Variants in ARX observed in about 807,000 individuals in gnomAD.
The protein encoded by ARX is aristaless related homeobox, also known as homeobox protein ARX.
A neutral mutation model predicts 23.1 loss-of-function variants in ARX; 1 was observed. That is an observed-to-expected ratio of 0.04 (90% CI 0.02 to 0.21). ARX has a LOEUF of 0.21. Ranked by LOEUF, ARX falls within the 10% of genes least tolerant of loss-of-function variation. The pLI, the probability that ARX is intolerant of heterozygous loss-of-function variation, is 1.00. For synonymous variants in ARX, 301 were observed against 270.1 expected, an observed-to-expected ratio of 1.11 and a Z score of -1.12; for missense variants, 380 against 527.5, an observed-to-expected ratio of 0.72 and a Z score of 2.74.
Position 25,007,198 on chromosome X carries a change from G to A in ARX, c.1361C>T (p.Pro454Leu), listed in dbSNP as rs2147320384. 8.5e-7 allele frequency: 1 copy of A among 1,178,086 alleles called. No individual in the cohort carries two copies. The highest frequency in any genetic ancestry group is 1.1e-6 in the Non-Finnish European group (1 of 880,120). The stretch of plus-strand genomic sequence containing the variant: ...CAGGCCCAGCGGCGCCCCGCTGGGC[G>A]GCAGGCTGGCCGAGCCCGGAGGCGG... ...LPPPPGSASL[P>L]PSGAPLGLST... Residue 454 changes from proline (P) to leucine (L), a missense_variant, in exon 4 of 5, where the codon CCG becomes CTG. Coordinates refer to ENST00000379044, the MANE Select transcript of ARX (RefSeq NM_139058.3).
At chrX:25,015,406 G>A in intron 1 of ARX, 136 bp downstream of exon 1, 1 of 820,461 alleles carries the variant, frequency 1.2e-6, no homozygotes, top group Non-Finnish European at 1.8e-6. Flanking sequence ...CGCTCTTTGA[G>A]GCAGCAGGCC....
At chrX:25,014,538 G>A (rs1209777992) in intron 1 of ARX, among the ~76,000 whole-genome samples, 2 of 112,787 alleles carry the variant, frequency 1.8e-5, no homozygotes, top group Non-Finnish European at 3.7e-5. Context: ...GGGGCTTCTT[G>A]CACAAAAAGG....
In ARX at chrX:25,015,706, G is replaced by A; in HGVS notation, c.32C>T (p.Ser11Phe). 8.3e-7 allele frequency: 1 copy of A among 1,203,103 alleles called. No individual in the cohort carries two copies. The highest frequency in any genetic ancestry group is 1.1e-6 in the Non-Finnish European group (1 of 890,170). The part of the protein sequence containing the change: MSNQYQEEGC[S>F]ERPECKSKSP... ...TTTACTTTTGCACTCGGGCCTCTCG[G>A]AGCAGCCCTCCTCCTGGTACTGATT... Residue 11 changes from serine (S) to phenylalanine (F), a missense_variant, in exon 1 of 5, where the codon TCC becomes TTC. By Grantham distance (155) the Ser-to-Phe change is radical. Around this residue, in one of 3 missense-constraint regions of ARX, gnomAD observed 235 missense variants for 270.2 expected, o/e 0.87. Transcript: ENST00000379044.
chrX:25,013,840 G>C, intron 1 of ARX, 42 bp from the exon 2 acceptor site: 1 of 902,453 alleles, frequency 1.1e-6, no homozygotes. Context: ...GCCGGCCGGG[G>C]AGTCCCAGCC....
chrX:25,010,189 C>G lies in ARX; in HGVS notation c.1119+71G>C, dbSNP rs2048696198. On this transcript the variant is annotated intron_variant, in intron 3 of 4. Coordinates refer to ENST00000379044, the MANE Select transcript of ARX (RefSeq NM_139058.3). ...CTCACCCCCCGCACCCCCCCGCCAC[C>G]AACCCATCTCTCTCTCTCCCACTGG... The G allele has an allele frequency of 1.3e-5, 14 of 1,071,330 alleles. No homozygotes were observed. In the Admixed American group the frequency reaches 3.3e-4, roughly 25 times the overall value. 88.3% of individuals were successfully genotyped at this position (1,071,330 alleles called of 1,213,427 possible). A position where few individuals can be genotyped will look rare whatever the true frequency, so the allele number is the denominator to read the frequency against.
At chrX:25,006,665 C>T (rs1324303555) in intron 4 of ARX, 1 of 112,923 alleles carries the variant, frequency 8.9e-6, no homozygotes, top group East Asian at 2.8e-4. Context: ...CCCAGAGGGC[C>T]TGGTGGCTCC....
At position 25,013,032 on chromosome X, in the gene ARX, C is replaced by T; in HGVS notation, c.963G>A (p.Glu321=). ...VCLSAGSDSE[E]GLLKRKQRRY... ...GCCTCTGTTTGCGTTTCAGCAGCCCCTCCTCCGAGTCGCTGCCCGCAGAGA... is the reference window on the plus strand; with the variant it reads ...GCCTCTGTTTGCGTTTCAGCAGCCCTTCCTCCGAGTCGCTGCCCGCAGAGA... The change falls in exon 2 of 5, where the codon GAG becomes GAA. Residue 321 remains glutamate (E), a synonymous_variant. Coordinates refer to ENST00000379044, the MANE Select transcript of ARX (RefSeq NM_139058.3). 8.3e-7 allele frequency: 1 copy of T among 1,199,998 alleles called. No homozygotes were observed. The highest frequency in any genetic ancestry group is 3.0e-5 in the East Asian group (1 of 33,393).
At chrX:25,011,806 C>A (rs917456804) in intron 2 of ARX, among the ~76,000 whole-genome samples, 1 of 112,984 alleles carries the variant, frequency 8.9e-6, no homozygotes, top group Non-Finnish European at 1.9e-5. Context: ...GGCAGCATTC[C>A]CCTTCTAAAA....
At chrX:25,014,539 C>T (rs922368400) in intron 1 of ARX, among the ~76,000 whole-genome samples, 4 of 112,617 alleles carry the variant, frequency 3.6e-5, no homozygotes, top group Admixed American at 1.9e-4. Flanking sequence ...GGGCTTCTTG[C>T]ACAAAAAGGC....
intron 1 of ARX, among the ~76,000 whole-genome samples, 193 bp downstream of exon 1, chrX:25,015,349 G>A (rs959885889): frequency 2.8e-5 from 3 of 105,709 alleles, no homozygotes; most frequent in African/African-American, 1.0e-4. Context: ...CCTTTTTCTG[G>A]AAGCAGGGAG....
intron 4 of ARX, 23 bp from the exon 5 acceptor site, chrX:25,004,933 G>T (rs1158374428): frequency 2.4e-5 from 27 of 1,106,376 alleles, no homozygotes; most frequent in Admixed American, 1.0e-4. Context: ...CAAACAGCGC[G>T]GTCATGGCCT....
rs945420620 is a variant in ARX, at chrX:25,003,710, A to AT, written c.*959dup. The AT allele has an allele frequency of 1.1e-4, 12 of 111,542 alleles. No individual in the cohort carries two copies. The highest frequency in any genetic ancestry group is 9.5e-5 in the Admixed American group (1 of 10,532). The allele number at this position is 111,542 out of a possible 1,213,427, so 9.2% of individuals were successfully genotyped here. A position where few individuals can be genotyped will look rare whatever the true frequency, so the allele number is the denominator to read the frequency against. On this transcript the variant is annotated 3_prime_UTR_variant, in exon 5 of 5. Coordinates refer to ENST00000379044, the MANE Select transcript of ARX (RefSeq NM_139058.3). ...CACACTTCGTTTTGTTAAACATATAATTTTTTTATTTTGAGCGTGACACTT... is the reference window on the plus strand; with the variant it reads ...CACACTTCGTTTTGTTAAACATATAATTTTTTTTATTTTGAGCGTGACACTT...
In ARX at chrX:25,004,269, A is replaced by AAAG. The variant is rs2048666852; in HGVS notation, c.*400_*401insCTT. On this transcript the variant is annotated 3_prime_UTR_variant, in exon 5 of 5. Transcript: ENST00000379044. ...GCGCCAAAATGCTATTTAAAAAAAA[A>AAAG]AAAGAAAGAAAGAAAGAAAGAAAAG... 3.5e-5 allele frequency: 5 copies of AAAG among 143,974 alleles called. No homozygotes were observed. Among genetic ancestry groups the AAAG allele is most frequent in the Admixed American group, 8.1e-5 (1 of 12,307 alleles). The allele number at this position is 143,974 out of a possible 1,213,427, so 11.9% of individuals were successfully genotyped here.
chrX:25,010,902 T>G (rs897930698), intron 2 of ARX, among the ~76,000 whole-genome samples: 2 of 110,447 alleles, frequency 1.8e-5, no homozygotes, highest in African/African-American at 6.6e-5. Context: ...ATGTTAAGCT[T>G]GTTAAGAGTT....
At chrX:25,012,642 T>A (rs1013327601) in intron 2 of ARX, among the ~76,000 whole-genome samples, 1 of 113,006 alleles carries the variant, frequency 8.8e-6, no homozygotes, top group East Asian at 2.8e-4. Context: ...TTTCTTTTCC[T>A]CTCTCTAACT....
chrX:25,008,890 C>T (rs1158933217), intron 3 of ARX, among the ~76,000 whole-genome samples: 3 of 111,835 alleles, frequency 2.7e-5, no homozygotes, highest in African/African-American at 9.8e-5. Flanking sequence ...AAAAGGGGGC[C>T]CATTCACACC....
intron 2 of ARX, among the ~76,000 whole-genome samples, chrX:25,012,622 G>A (rs1569395167): frequency 8.8e-6 from 1 of 113,361 alleles, no homozygotes; most frequent in Non-Finnish European, 1.9e-5. Context: ...GGCGCTCTTT[G>A]GAGAGGCTGT....
chrX:25,008,490 T>C (rs931730115), intron 3 of ARX, among the ~76,000 whole-genome samples: 12 of 112,236 alleles, frequency 1.1e-4, no homozygotes, highest in Non-Finnish European at 3.8e-5. Context: ...TGGAGACCTT[T>C]ACCTGAAACA....
Position 25,004,769 on chromosome X carries a change from A to T in ARX, c.1590T>A (p.Ser530=), listed in dbSNP as rs1355316755. 4.3e-6 allele frequency: 5 copies of T among 1,169,264 alleles called. No homozygotes were observed. The African/African-American group carries it at 8.8e-5, about 21-fold the overall frequency. ...PATAAADRRA[S]SIAALRLKAK... is the part of the protein sequence containing the mutation. ...CCTTGAGCCTCAGCGCGGCTATGCT[A>T]GAGGCGCGTCTGTCTGCGGCCGCCG... Residue 530 remains serine, a synonymous_variant, in exon 5 of 5, where the codon TCT becomes TCA. Coordinates refer to ENST00000379044, the MANE Select transcript of ARX (RefSeq NM_139058.3).
Sources: allele counts gnomAD v4.1 joint callset (sites outside exome capture counted in the v4.1 genomes callset), GRCh38; gene constraint gnomAD v4.1.1; regional missense constraint gnomAD v4.1.1; transcripts MANE v1.5; gene names NCBI Gene and HGNC (gene_info 2026-07-23, HGNC 2026-07-21).